CNBD1: variants seen among roughly 807,000 people sequenced by gnomAD.
CNBD1 encodes cyclic nucleotide-binding domain-containing protein 1.
CNBD1 carries 71 observed loss-of-function variants against 54.4 expected under a neutral mutation model. The ratio of observed to expected loss-of-function variants is 1.30; its 90% confidence interval spans 1.08 to 1.59. The LOEUF (loss-of-function observed/expected upper bound fraction) is 1.59, where lower values mean the gene tolerates loss of function less well. Ranked by LOEUF, CNBD1 falls within the 40% of genes most tolerant of loss-of-function variation. The probability of loss-of-function intolerance (pLI) is 0.00; values close to 1 mark genes in which losing one functional copy is unlikely to be tolerated. For synonymous variants in CNBD1, 182 were observed against 170.7 expected, an observed-to-expected ratio of 1.07 and a Z score of -0.51; for missense variants, 659 against 518.0, an observed-to-expected ratio of 1.27 and a Z score of -2.64.
At chr8:87,428,546 A>C in exon 3 of CNBD1, 1 of 450,956 alleles carries the variant, frequency 2.2e-6, no homozygotes. Context: ...TTTCATCTAG[A>C]ATTAGACCCA....
intron 4 of CNBD1, among the ~76,000 whole-genome samples, chr8:87,011,584 C>A (rs1033693513): frequency 1.3e-5 from 2 of 151,550 alleles, no homozygotes; most frequent in African/African-American, 4.9e-5. Context: ...TTATTAAAAT[C>A]TTCATCTAAA....
intron 5 of CNBD1, among the ~76,000 whole-genome samples, chr8:87,228,661 A>C (rs1351749421): frequency 4.6e-5 from 7 of 151,364 alleles, no homozygotes; most frequent in Admixed American, 3.9e-4. Context: ...AGACAGGGAC[A>C]TTTAAGTCTG....
At chr8:87,288,159 C>A (rs1018246986) in intron 8 of CNBD1, among the ~76,000 whole-genome samples, 1 of 151,974 alleles carries the variant, frequency 6.6e-6, no homozygotes, top group Non-Finnish European at 1.5e-5. Context: ...ATGATGATGC[C>A]TTTTTGTTCC....
chr8:87,107,670 A>G (rs1811570271), intron 4 of CNBD1, among the ~76,000 whole-genome samples: 1 of 152,188 alleles, frequency 6.6e-6, no homozygotes. Context: ...TGAATATACA[A>G]TAAATATTTG....
intron 10 of CNBD1, among the ~76,000 whole-genome samples, chr8:87,373,190 G>A (rs1310864349): frequency 9.2e-5 from 14 of 151,716 alleles, no homozygotes; most frequent in Non-Finnish European, 1.5e-5. Flanking sequence ...AAAAGCAAAT[G>A]TTATTGAAAA....
intron 4 of CNBD1, among the ~76,000 whole-genome samples, chr8:87,184,100 G>C (rs565582941): frequency 6.6e-6 from 1 of 152,322 alleles, no homozygotes; most frequent in East Asian, 1.9e-4. Flanking sequence ...GGGGCTGCAC[G>C]CATGTGCTCA....
At chr8:87,303,378 C>A (rs1442050271) in intron 8 of CNBD1, among the ~76,000 whole-genome samples, 2 of 151,850 alleles carry the variant, frequency 1.3e-5, no homozygotes, top group African/African-American at 4.8e-5. Context: ...GAAAAACAAG[C>A]AATGGGGAAA....
Position 87,025,403 on chromosome 8 carries a change from A to G in CNBD1, c.431+85649A>G, listed in dbSNP as rs760575983. ...TGGGTCCACACAACCTTTGTGAGCT[A>G]TAACACTCTCTGCGAAGGTCTGTGG... On this transcript the variant is annotated intron_variant, in intron 4 of 10. Transcript: ENST00000518476. Among the ~76,000 whole-genome samples, 6 of 152,218 alleles carry G rather than the reference A, an allele frequency of 3.9e-5. No individual in the cohort carries two copies. The South Asian group carries it at 1.0e-3, about 26-fold the overall frequency.
intron 4 of CNBD1, among the ~76,000 whole-genome samples, chr8:86,963,089 G>A (rs533503900): frequency 3.9e-5 from 6 of 152,102 alleles, no homozygotes; most frequent in Non-Finnish European, 7.3e-5. Context: ...AATACCCGGG[G>A]TATGTGACAG....
chr8:87,372,393 C>T (rs72668638), intron 10 of CNBD1, among the ~76,000 whole-genome samples: 2,679 of 152,034 alleles, frequency 0.018, 42 homozygotes, highest in Non-Finnish European at 0.029. Context: ...TGTTTCCCAT[C>T]AAATGCTAGT....
intron 4 of CNBD1, among the ~76,000 whole-genome samples, chr8:86,989,509 G>A (rs1808692357): frequency 6.6e-6 from 1 of 151,956 alleles, no homozygotes; most frequent in Admixed American, 6.6e-5. Context: ...AGAGTGCAGT[G>A]GCACGATCCT....
At chr8:87,350,774 T>A (rs1810272812) in intron 8 of CNBD1, among the ~76,000 whole-genome samples, 1 of 151,956 alleles carries the variant, frequency 6.6e-6, no homozygotes, top group Admixed American at 6.6e-5. Flanking sequence ...ATGTTTCAGA[T>A]TTCATAACGT....
At chr8:87,003,089 T>A (rs1809026620) in intron 4 of CNBD1, among the ~76,000 whole-genome samples, 1 of 152,154 alleles carries the variant, frequency 6.6e-6, no homozygotes, top group South Asian at 2.1e-4. Context: ...TTGGAAGAAG[T>A]CCAGATCTGT....
chr8:87,074,986 T>C (rs567783747), intron 4 of CNBD1, among the ~76,000 whole-genome samples: 1 of 152,324 alleles, frequency 6.6e-6, no homozygotes, highest in East Asian at 1.9e-4. Flanking sequence ...TCTGTCTTTT[T>C]GGAAAAAGTA....
chr8:87,249,739 A>G (rs1261958062), intron 6 of CNBD1, among the ~76,000 whole-genome samples: 5 of 152,198 alleles, frequency 3.3e-5, no homozygotes, highest in Admixed American at 6.6e-5. Flanking sequence ...TATTGAGCAG[A>G]TGAATATGTT....
chr8:87,236,453 T>C (rs1341621386), intron 5 of CNBD1, among the ~76,000 whole-genome samples: 1 of 152,102 alleles, frequency 6.6e-6, no homozygotes, highest in Non-Finnish European at 1.5e-5. Context: ...TATTAAGTTC[T>C]ATAAGTGATT....
At chr8:87,338,988 C>T (rs1810009619) in intron 8 of CNBD1, among the ~76,000 whole-genome samples, 1 of 152,036 alleles carries the variant, frequency 6.6e-6, no homozygotes, top group Admixed American at 6.6e-5. Flanking sequence ...TTTTCTCTTC[C>T]TTTAGGTGGG....
intron 8 of CNBD1, among the ~76,000 whole-genome samples, chr8:87,295,365 T>C (rs1230462012): frequency 1.3e-5 from 2 of 151,980 alleles, no homozygotes; most frequent in Non-Finnish European, 2.9e-5. Context: ...ATTTTATTAA[T>C]AATATGATAA....
intron 4 of CNBD1, among the ~76,000 whole-genome samples, chr8:87,084,195 T>G (rs146070825): frequency 6.6e-6 from 1 of 152,382 alleles, no homozygotes; most frequent in African/African-American, 2.4e-5. Flanking sequence ...ATATTATTTT[T>G]GCTTTAAACA....
Sources: gnomAD v4.1 joint callset for allele counts (sites outside exome capture counted in the v4.1 genomes callset) on GRCh38, gnomAD v4.1.1 for gene constraint, MANE v1.5 for transcripts, NCBI Gene and HGNC (gene_info 2026-07-23, HGNC 2026-07-21) for gene names.